PREX2: variants seen among roughly 807,000 people sequenced by gnomAD.
PREX2 encodes phosphatidylinositol 3,4,5-trisphosphate-dependent Rac exchanger 2 protein.
In PREX2, 107 loss-of-function variants were observed where a neutral mutation model predicts 203.2. The observed-to-expected ratio is 0.53, with a 90% CI of 0.45 to 0.62. The LOEUF is 0.62. PREX2 is among the 20% of genes least tolerant of loss of function. The pLI is 0.00. For synonymous variants in PREX2, 672 were observed against 663.6 expected, an observed-to-expected ratio of 1.01 and a Z score of -0.19; for missense variants, 1,777 against 1,955.9, an observed-to-expected ratio of 0.91 and a Z score of 1.72.
At chr8:67,994,863 G>C (rs1336662847) in intron 1 of PREX2, among the ~76,000 whole-genome samples, 1 of 152,150 alleles carries the variant, frequency 6.6e-6, no homozygotes, top group African/African-American at 2.4e-5. Flanking sequence ...TGAAATCCAA[G>C]AAATATACTT....
At chr8:68,053,408 T>G (rs1808582633) in intron 9 of PREX2, among the ~76,000 whole-genome samples, 162 bp downstream of exon 9, 1 of 152,208 alleles carries the variant, frequency 6.6e-6, no homozygotes, top group South Asian at 2.1e-4. Context: ...AAGCAATTAC[T>G]TCTCCACCAA....
Position 68,181,103 on chromosome 8 carries a change from C to T in PREX2, c.4347-10619C>T, listed in dbSNP as rs935213306. ...TATTTACTGAGCAACTGCTCTCTGT[C>T]GGTTAGTTGCCTAGGTATTGAGCTT... On this transcript the variant is annotated intron_variant, in intron 35 of 39. Coordinates refer to ENST00000288368, the MANE Select transcript of PREX2 (RefSeq NM_024870.4). 3.3e-5 allele frequency among the ~76,000 whole-genome samples: 5 copies of T among 152,102 alleles called. No individual in the cohort carries two copies. In the East Asian group the frequency reaches 5.8e-4, roughly 18 times the overall value.
chr8:68,146,747 A>G (rs1206896409), intron 34 of PREX2, among the ~76,000 whole-genome samples: 1 of 152,178 alleles, frequency 6.6e-6, no homozygotes, highest in African/African-American at 2.4e-5. Context: ...TATATCACAC[A>G]TGTATGTCTA....
Position 68,053,146 on chromosome 8 carries a change from T to C in PREX2, c.993T>C (p.His331=). The C allele has an allele frequency of 6.2e-7, 1 of 1,613,582 alleles. No individual in the cohort carries two copies. Among genetic ancestry groups the C allele is most frequent in the Non-Finnish European group, 8.5e-7 (1 of 1,179,656 alleles). Residue 331 remains histidine (H), a synonymous_variant, in exon 9 of 40, where the codon CAT becomes CAC. Transcript: ENST00000288368. Reference sequence around the variant, plus strand: ...TTGTTGTTAATGGATGGAAGATACATAACACAGCAAAAAATAAATGGTTTG... The same window carrying C: ...TTGTTGTTAATGGATGGAAGATACACAACACAGCAAAAAATAAATGGTTTG... ...GHIVVNGWKI[H]NTAKNKWFVC... is the part of the protein sequence containing the mutation.
At chr8:68,119,166 G>A (rs1810716775) in intron 27 of PREX2, among the ~76,000 whole-genome samples, 1 of 152,156 alleles carries the variant, frequency 6.6e-6, no homozygotes. Flanking sequence ...TGCAGTTTAT[G>A]TCAACTCTTC....
intron 32 of PREX2, among the ~76,000 whole-genome samples, chr8:68,136,592 C>T (rs547797276): frequency 6.3e-4 from 96 of 152,268 alleles, no homozygotes; most frequent in African/African-American, 2.2e-3. Flanking sequence ...TTCTGTCTAC[C>T]GGAAAATGCA....
At chr8:68,026,457 G>C (rs1399362308) in intron 4 of PREX2, among the ~76,000 whole-genome samples, 1 of 152,124 alleles carries the variant, frequency 6.6e-6, no homozygotes, top group Admixed American at 6.6e-5. Context: ...ACTGCAGAAA[G>C]AAGGTTTGGG....
chr8:68,020,980 C>T (rs1807550758), intron 3 of PREX2, among the ~76,000 whole-genome samples: 1 of 152,054 alleles, frequency 6.6e-6, no homozygotes, highest in South Asian at 2.1e-4. Flanking sequence ...AAATGCATGC[C>T]TTCAAAATTT....
At chr8:67,976,590 GGAGAGAGACAGAGA>G (rs1232080716) in intron 1 of PREX2, among the ~76,000 whole-genome samples, 1 of 118,890 alleles carries the variant, frequency 8.4e-6, no homozygotes, top group African/African-American at 3.2e-5. Context: ...GAGAGAGATG[GGAGAGAGACAGAGA>G]GAGAGAGACA....
In PREX2 at chr8:68,044,491, T is replaced by C. The variant is rs755437191; in HGVS notation, c.844T>C (p.Leu282=). Reference sequence around the variant, plus strand: ...GTGATTTAATTCCATCTTAAGACGGTTGAAGAACAGCAAGGCATCTACAGA... The same window carrying C: ...GTGATTTAATTCCATCTTAAGACGGCTGAAGAACAGCAAGGCATCTACAGA... ...LVYCKRKHRR[L]KNSKASTDGH... The change falls in exon 8 of 40, where the codon TTG becomes CTG. Residue 282 remains leucine (L), a synonymous_variant. Transcript: ENST00000288368. The C allele has an allele frequency of 1.3e-5, 21 of 1,608,152 alleles. No homozygotes were observed. The African/African-American group carries it at 1.7e-4, about 13-fold the overall frequency.
intron 38 of PREX2, among the ~76,000 whole-genome samples, chr8:68,219,678 A>G (rs889088440): frequency 2.0e-5 from 3 of 152,072 alleles, no homozygotes; most frequent in Non-Finnish European, 2.9e-5. Context: ...AGAGCCTGGG[A>G]CCCTCTTTAA....
At chr8:67,973,934 C>T (rs1805997907) in intron 1 of PREX2, among the ~76,000 whole-genome samples, 1 of 152,118 alleles carries the variant, frequency 6.6e-6, no homozygotes, top group African/African-American at 2.4e-5. Flanking sequence ...TTTCAAGGTC[C>T]TTTCACTTAT....
In PREX2 at chr8:68,038,299, T is replaced by C; in HGVS notation, c.839+7T>C. 1.9e-6 allele frequency: 3 copies of C among 1,613,496 alleles called. No homozygotes were observed. The highest frequency in any genetic ancestry group is 2.5e-6 in the Non-Finnish European group (3 of 1,179,728). ...ACTGCAAAAGAAAACACAGGTAAGA[T>C]CCTAAGCAGGACACACTTCAGAAGT... On this transcript the variant is annotated splice_region_variant and intron_variant, in intron 7 of 39. Coordinates refer to ENST00000288368, the MANE Select transcript of PREX2 (RefSeq NM_024870.4).
chr8:68,052,947 A>T, intron 8 of PREX2, 150 bp from the exon 9 acceptor site: 1 of 642,468 alleles, frequency 1.6e-6, no homozygotes, highest in South Asian at 2.3e-5. Flanking sequence ...AAAGTTTTTA[A>T]ATGTTTATGT....
chr8:68,146,761 C>T (rs928852347), intron 34 of PREX2, among the ~76,000 whole-genome samples: 1 of 152,018 alleles, frequency 6.6e-6, no homozygotes, highest in African/African-American at 2.4e-5. Context: ...ATGTCTATAC[C>T]TACATATATG....
intron 37 of PREX2, among the ~76,000 whole-genome samples, chr8:68,212,186 C>G (rs1812753969): frequency 6.6e-6 from 1 of 152,292 alleles, no homozygotes; most frequent in African/African-American, 2.4e-5. Context: ...GCATTAACCT[C>G]AGGGCCTTTG....
Position 68,060,231 on chromosome 8 carries a change from T to C in PREX2, c.1239-448T>C, listed in dbSNP as rs115623290. On this transcript the variant is annotated intron_variant, in intron 10 of 39. Coordinates refer to ENST00000288368, the MANE Select transcript of PREX2 (RefSeq NM_024870.4). ...CTTCCTGGATCTTTAAACTCACTGG[T>C]TCTCTGTGCCTGGGAACCACATTAA... is the stretch of plus-strand genomic sequence containing the variant. Among the ~76,000 whole-genome samples, 489 of 152,330 alleles carry C rather than the reference T, an allele frequency of 3.2e-3. 7 individuals carry two copies. The highest frequency in any genetic ancestry group is 0.011 in the African/African-American group (476 of 41,576).
At chr8:68,219,268 T>C (rs953250080) in intron 38 of PREX2, among the ~76,000 whole-genome samples, 8 of 152,030 alleles carry the variant, frequency 5.3e-5, no homozygotes, top group Non-Finnish European at 1.0e-4. Flanking sequence ...ATCAAATACG[T>C]TAACTTCTTA....
At position 68,015,357 on chromosome 8, in the gene PREX2, C is replaced by T. The variant is rs4512367; in HGVS notation, c.142-2489C>T. 0.43 allele frequency among the ~76,000 whole-genome samples: 65,845 copies of T among 152,002 alleles called. 17,389 individuals carry two copies. The highest frequency in any genetic ancestry group is 0.75 in the African/African-American group (31,186 of 41,502). On this transcript the variant is annotated intron_variant, in intron 1 of 39. Coordinates refer to ENST00000288368, the MANE Select transcript of PREX2 (RefSeq NM_024870.4). ...ATGAGGACCTTGGGAAAAAGAAATG[C>T]TTGGTCAGAAATGCTAACAAGTTCC...
Sources: allele counts gnomAD v4.1 joint callset (sites outside exome capture counted in the v4.1 genomes callset), GRCh38; gene constraint gnomAD v4.1.1; transcripts MANE v1.5; gene names NCBI Gene and HGNC (gene_info 2026-07-23, HGNC 2026-07-21).